MCC: variants seen among roughly 807,000 people sequenced by gnomAD.
MCC encodes colorectal mutant cancer protein.
MCC carries 90 observed loss-of-function variants against 116.2 expected under a neutral mutation model. That is an observed-to-expected ratio of 0.77 (90% confidence interval 0.65 to 0.92). MCC has a LOEUF of 0.92. Among genes scored for constraint, MCC ranks in the 40% least tolerant of loss-of-function variants. The pLI is 0.00. For synonymous variants in MCC, 578 were observed against 510.5 expected (o/e 1.13, Z -1.78); for missense variants, 1,516 against 1,312.2 (o/e 1.16, Z -2.40).
At chr5:113,346,539 G>A (rs184649486) in intron 2 of MCC, among the ~76,000 whole-genome samples, 107 of 152,144 alleles carry the variant, frequency 7.0e-4, no homozygotes, top group African/African-American at 2.3e-3. Context: ...GGTGGAAGTC[G>A]CAGCGAGCCA....
At chr5:113,206,002 C>G (rs1581251711) in intron 3 of MCC, among the ~76,000 whole-genome samples, 1 of 152,356 alleles carries the variant, frequency 6.6e-6, no homozygotes, top group East Asian at 1.9e-4. Context: ...CTGAAGGTGG[C>G]AGCAAGCACT....
At chr5:113,463,512 G>C (rs541518528) in intron 1 of MCC, among the ~76,000 whole-genome samples, 3 of 152,330 alleles carry the variant, frequency 2.0e-5, no homozygotes, top group Admixed American at 2.0e-4. Flanking sequence ...TCATGGAAAA[G>C]GAGAGCTCAA....
chr5:113,206,269 G>A (rs927086027), intron 3 of MCC, among the ~76,000 whole-genome samples: 2 of 152,046 alleles, frequency 1.3e-5, no homozygotes, highest in Non-Finnish European at 1.5e-5. Flanking sequence ...CACTACCTTG[G>A]GATGTTTCCC....
At chr5:113,075,843 T>C (rs1232501099) in intron 11 of MCC, among the ~76,000 whole-genome samples, 1 of 152,134 alleles carries the variant, frequency 6.6e-6, no homozygotes, top group African/African-American at 2.4e-5. Flanking sequence ...TTAAGAGCTG[T>C]AACACTCAAC....
chr5:113,434,536 T>G lies in MCC; in HGVS notation c.171-49324A>C. 5.6e-6 allele frequency: 9 copies of G among 1,612,622 alleles called. No homozygotes were observed. Among genetic ancestry groups the G allele is most frequent in the South Asian group, 1.1e-5 (1 of 91,044 alleles). ...TCATGCAGGGCTCCCCGGGTTTTGATTAACTCGAGGAGGTCGCCCTGGACC... is the reference window on the plus strand; with the variant it reads ...TCATGCAGGGCTCCCCGGGTTTTGAGTAACTCGAGGAGGTCGCCCTGGACC... On this transcript the variant is annotated intron_variant, in intron 1 of 18. Transcript: ENST00000408903. This position sits in a 1 kb window ranked among gnomAD's most constrained non-coding sequence, Gnocchi z 4.2.
chr5:113,082,744 A>G, intron 11 of MCC, 116 bp downstream of exon 11: 1 of 1,273,572 alleles, frequency 7.9e-7, no homozygotes, highest in African/African-American at 1.5e-5. Flanking sequence ...CACCAGCCTG[A>G]CGGTACTGCT....
At chr5:113,421,035 T>A (rs993842648) in intron 1 of MCC, among the ~76,000 whole-genome samples, 66 of 151,234 alleles carry the variant, frequency 4.4e-4, no homozygotes, top group Admixed American at 9.8e-4. Context: ...TTATTTATTT[T>A]TTTTTTGAGA....
chr5:113,312,388 C>T (rs1767156734), intron 3 of MCC, among the ~76,000 whole-genome samples: 1 of 152,098 alleles, frequency 6.6e-6, no homozygotes, highest in African/African-American at 2.4e-5. Context: ...GGTTAAGGAA[C>T]ATTTCTTTAA....
Position 113,200,628 on chromosome 5 carries a change from T to C in MCC, c.628-49206A>G, listed in dbSNP as rs960611234. 3.3e-5 allele frequency among the ~76,000 whole-genome samples: 5 copies of C among 152,206 alleles called. 1 individual carries two copies. The highest frequency in any genetic ancestry group is 4.4e-5 in the Non-Finnish European group (3 of 68,046). ...AGACTGAGCTGACACAGGAAGCCCC[T>C]TCTCCACTGAGAAACATATGGAAAT... On this transcript the variant is annotated intron_variant, in intron 3 of 18. Coordinates refer to ENST00000408903, the MANE Select transcript of MCC (RefSeq NM_001085377.2).
At chr5:113,438,201 G>A (rs1372400483) in intron 1 of MCC, among the ~76,000 whole-genome samples, 1 of 152,110 alleles carries the variant, frequency 6.6e-6, no homozygotes, top group Non-Finnish European at 1.5e-5. Flanking sequence ...TTTGGGTTGT[G>A]GGGGGAGTCT....
At chr5:113,154,144 G>C (rs1014684855) in intron 3 of MCC, among the ~76,000 whole-genome samples, 4 of 152,166 alleles carry the variant, frequency 2.6e-5, no homozygotes, top group Non-Finnish European at 5.9e-5. Context: ...TGTTTAATGA[G>C]CATTTTTTCC....
intron 3 of MCC, among the ~76,000 whole-genome samples, chr5:113,166,696 T>G (rs1760786322): frequency 7.3e-6 from 1 of 136,198 alleles, no homozygotes. Flanking sequence ...ATACAGGGCA[T>G]CATTTATTTA....
intron 3 of MCC, chr5:113,269,141 G>C: frequency 6.1e-6 from 6 of 984,866 alleles, no homozygotes; most frequent in Non-Finnish European, 7.2e-6. Context: ...AACCTGGAGG[G>C]AGACAAGGCA....
intron 5 of MCC, among the ~76,000 whole-genome samples, chr5:113,139,716 A>G (rs1414031726): frequency 6.6e-6 from 1 of 152,200 alleles, no homozygotes; most frequent in African/African-American, 2.4e-5. Flanking sequence ...AAGATCTAGA[A>G]CTAGACATAC....
At position 113,083,069 on chromosome 5, in the gene MCC, A is replaced by C. The variant is rs917587019; in HGVS notation, c.1636-61T>G. ...ATCATTTCAGAGATGCATGTTTTGC[A>C]TGCAAAAGAATTTAAAGCTGATATT... is the stretch of plus-strand genomic sequence containing the variant. On this transcript the variant is annotated intron_variant, in intron 10 of 18. Transcript: ENST00000408903. 2.0e-6 allele frequency: 3 copies of C among 1,500,732 alleles called. No individual in the cohort carries two copies. The East Asian group carries it at 6.8e-5, about 34-fold the overall frequency. The allele number at this position is 1,500,732 out of a possible 1,614,324, so 93.0% of individuals were successfully genotyped here.
In MCC at chr5:113,108,672, G is replaced by A. The variant is rs961025196; in HGVS notation, c.1028-4317C>T. 2.0e-5 allele frequency among the ~76,000 whole-genome samples: 3 copies of A among 150,998 alleles called. 1 individual carries two copies. The highest frequency in any genetic ancestry group is 2.0e-4 in the Admixed American group (3 of 15,128). ...CATTTCAAAAAAAAAAAAAAAAAAG[G>A]GAAGTAACCATAGATAACACAGTGC... is the stretch of plus-strand genomic sequence containing the variant. On this transcript the variant is annotated intron_variant, in intron 6 of 18. Transcript: ENST00000408903.
chr5:113,352,109 A>T (rs1338574640), intron 2 of MCC, among the ~76,000 whole-genome samples: 1 of 152,216 alleles, frequency 6.6e-6, no homozygotes, highest in Admixed American at 6.5e-5. Flanking sequence ...TATAAAGGGA[A>T]GTGGACTTTT....
intron 1 of MCC, among the ~76,000 whole-genome samples, chr5:113,466,163 T>C (rs916709967): frequency 2.0e-5 from 2 of 101,818 alleles, no homozygotes; most frequent in Non-Finnish European, 3.9e-5. Context: ...TGAAGTTGAG[T>C]AGCCATTCTT....
Position 113,368,690 on chromosome 5 carries a change from G to A in MCC, c.415+16278C>T, listed in dbSNP as rs534862132. On this transcript the variant is annotated intron_variant, in intron 2 of 18. Transcript: ENST00000408903. The stretch of plus-strand genomic sequence containing the variant: ...GAAGATTTCTGTGACCAAATATGTG[G>A]GGATGTTTCCCCACCAACAAGCAAG... 1.2e-4 allele frequency among the ~76,000 whole-genome samples: 19 copies of A among 152,092 alleles called. No individual in the cohort carries two copies. In the South Asian group the frequency reaches 3.7e-3, roughly 30 times the overall value.
Sources: allele counts gnomAD v4.1 joint callset (sites outside exome capture counted in the v4.1 genomes callset), GRCh38; gene constraint gnomAD v4.1.1; non-coding constraint Gnocchi (gnomAD v3.1); transcripts MANE v1.5; gene names NCBI Gene and HGNC (gene_info 2026-07-23, HGNC 2026-07-21).